SLIT2: variants seen among roughly 807,000 people sequenced by gnomAD.
The protein encoded by SLIT2 is slit guidance ligand 2, also known as slit homolog 2 protein.
In SLIT2, 41 loss-of-function variants were observed where a neutral mutation model predicts 185.7. The ratio of observed to expected loss-of-function variants is 0.22; its 90% CI spans 0.17 to 0.29. SLIT2 has a LOEUF of 0.29. SLIT2 is among the 10% of genes least tolerant of loss of function. The pLI, the probability that SLIT2 is intolerant of heterozygous loss-of-function variation, is 1.00. For missense variants in SLIT2, 1,571 were observed against 1,909.0 expected (o/e 0.82, Z 3.30); for synonymous variants, 693 against 680.2 (o/e 1.02, Z -0.29).
At chr4:20,449,192 G>A (rs1398844232) in intron 4 of SLIT2, among the ~76,000 whole-genome samples, 3 of 152,042 alleles carry the variant, frequency 2.0e-5, no homozygotes, top group Non-Finnish European at 2.9e-5. Context: ...ATAGTTATAT[G>A]CTCAGGGACT....
At chr4:20,488,754 G>C in intron 7 of SLIT2, 65 bp from the exon 8 acceptor site, 1 of 1,154,192 alleles carries the variant, frequency 8.7e-7, no homozygotes, top group Non-Finnish European at 1.2e-6. Flanking sequence ...AAGAAATACA[G>C]GTATATATTA....
intron 11 of SLIT2, among the ~76,000 whole-genome samples, chr4:20,518,845 A>C (rs1296636305): frequency 2.0e-5 from 3 of 150,000 alleles, no homozygotes; most frequent in East Asian, 4.0e-4. Flanking sequence ...TGACCTCGTG[A>C]TCCGCCCGCC....
intron 4 of SLIT2, among the ~76,000 whole-genome samples, chr4:20,392,714 G>T (rs1375260260): frequency 6.6e-6 from 1 of 151,516 alleles, no homozygotes; most frequent in East Asian, 1.9e-4. Context: ...TTAAAATTTT[G>T]TTAAAAACTA....
chr4:20,510,488 A>G lies in SLIT2; in HGVS notation c.915-7A>G, dbSNP rs749367908. The G allele has an allele frequency of 3.7e-6, 6 of 1,601,188 alleles. 1 individual carries two copies. In the South Asian group the frequency reaches 6.6e-5, roughly 18 times the overall value. ...CCATTTAAAAGTTGAATTTTTTTTC[A>G]TTGCAGACGTTTGGAACAGAACACA... On this transcript the variant is annotated splice_region_variant and splice_polypyrimidine_tract_variant and intron_variant, in intron 9 of 36. Coordinates refer to ENST00000504154, the MANE Select transcript of SLIT2 (RefSeq NM_004787.4).
Position 20,355,331 on chromosome 4 carries a change from T to C in SLIT2, c.395+86450T>C, listed in dbSNP as rs6846187. Among the ~76,000 whole-genome samples, 205 of 152,226 alleles carry C rather than the reference T, an allele frequency of 1.3e-3. 1 individual carries two copies. The highest frequency in any genetic ancestry group is 4.8e-3 in the African/African-American group (201 of 41,546). On this transcript the variant is annotated intron_variant, in intron 4 of 36. Transcript: ENST00000504154. ...GTAGATTTCTATTACTGCAGAGCCA[T>C]TGAATGGGGTAATTTGTGCCTTTGA...
intron 4 of SLIT2, among the ~76,000 whole-genome samples, chr4:20,407,314 A>T (rs1443857472): frequency 6.6e-6 from 1 of 152,172 alleles, no homozygotes. Context: ...CACAGTCTCT[A>T]AGCAACTTAT....
At chr4:20,617,820 C>T (rs1355579136) in intron 36 of SLIT2, among the ~76,000 whole-genome samples, 170 bp downstream of exon 36, 3 of 151,398 alleles carry the variant, frequency 2.0e-5, no homozygotes, top group Non-Finnish European at 4.4e-5. Context: ...CTTGCAGTTG[C>T]TGCTATTGAT....
chr4:20,299,708 A>G (rs1716862825), intron 4 of SLIT2, among the ~76,000 whole-genome samples: 2 of 150,660 alleles, frequency 1.3e-5, no homozygotes, highest in Admixed American at 1.3e-4. Context: ...AAAAATGTGG[A>G]CTTTTTAAGG....
intron 4 of SLIT2, among the ~76,000 whole-genome samples, chr4:20,431,900 T>G (rs1033332009): frequency 6.6e-6 from 1 of 152,146 alleles, no homozygotes; most frequent in African/African-American, 2.4e-5. Flanking sequence ...ACTTGATTAT[T>G]GTAAGACATT....
rs758231523 is a variant in SLIT2, at chr4:20,524,065, G to A, written c.1326G>A (p.Ala442=). Reference sequence around the variant, plus strand: ...GTGACTGCCATCTCAAGTGGCTAGCGGATTATCTCCATACCAACCCGATTG... The same window carrying A: ...GTGACTGCCATCTCAAGTGGCTAGCAGATTATCTCCATACCAACCCGATTG... The part of the protein sequence containing the change: ...FICDCHLKWL[A]DYLHTNPIET... Residue 442 remains alanine, a synonymous_variant, in exon 14 of 37, where the codon GCG becomes GCA. Transcript: ENST00000504154. The A allele has an allele frequency of 6.8e-6, 11 of 1,614,156 alleles. No homozygotes were observed. Among genetic ancestry groups the A allele is most frequent in the Middle Eastern group, 1.6e-4 (1 of 6,062 alleles).
At chr4:20,567,681 C>G (rs933235491) in intron 28 of SLIT2, 66 bp downstream of exon 28, 6 of 1,239,594 alleles carry the variant, frequency 4.8e-6, no homozygotes, top group Non-Finnish European at 7.1e-6. Flanking sequence ...AGCCAACATA[C>G]ATTTTCCTTT....
rs867633877 is a variant in SLIT2 at position 20,516,129 on chromosome 4, A to G, written c.1059-3253A>G. 3.9e-5 allele frequency among the ~76,000 whole-genome samples: 6 copies of G among 152,284 alleles called. No individual in the cohort carries two copies. The East Asian group carries it at 9.7e-4, about 25-fold the overall frequency. ...TGCGCCTGGCCTCTGCCAACTTTCA[A>G]TAAGAGCACAAGAGCTCAAACACTG... is the stretch of plus-strand genomic sequence containing the variant. On this transcript the variant is annotated intron_variant, in intron 11 of 36. Transcript: ENST00000504154.
intron 4 of SLIT2, among the ~76,000 whole-genome samples, chr4:20,449,204 G>A (rs906034847): frequency 2.0e-5 from 3 of 152,046 alleles, no homozygotes; most frequent in Admixed American, 6.5e-5. Context: ...TCAGGGACTG[G>A]AAGAAATCCA....
intron 4 of SLIT2, among the ~76,000 whole-genome samples, chr4:20,289,618 A>G (rs1182833797): frequency 2.0e-5 from 3 of 152,162 alleles, no homozygotes; most frequent in Non-Finnish European, 4.4e-5. Flanking sequence ...TGCAGATGCT[A>G]TTTGTGCAAT....
intron 4 of SLIT2, among the ~76,000 whole-genome samples, chr4:20,386,514 A>G (rs1724948915): frequency 6.6e-6 from 1 of 152,192 alleles, no homozygotes; most frequent in Non-Finnish European, 1.5e-5. Context: ...TGCAAATTGA[A>G]TTAGACTTGT....
intron 18 of SLIT2, among the ~76,000 whole-genome samples, chr4:20,536,374 T>G (rs1022288350): frequency 1.3e-5 from 2 of 152,048 alleles, no homozygotes; most frequent in Admixed American, 1.3e-4. Context: ...CTGGCCAATA[T>G]GGTGAAACCC....
At chr4:20,602,565 T>C (rs1486570738) in intron 33 of SLIT2, among the ~76,000 whole-genome samples, 1 of 152,180 alleles carries the variant, frequency 6.6e-6, no homozygotes, top group East Asian at 1.9e-4. Flanking sequence ...GAAAAACATG[T>C]TAAAATACAG....
chr4:20,331,744 G>A (rs1205597298), intron 4 of SLIT2, among the ~76,000 whole-genome samples: 1 of 151,862 alleles, frequency 6.6e-6, no homozygotes, highest in Non-Finnish European at 1.5e-5. Flanking sequence ...TTGAATATTT[G>A]CATTATCTAA....
intron 5 of SLIT2, among the ~76,000 whole-genome samples, chr4:20,471,354 C>G (rs959606352): frequency 1.8e-4 from 27 of 152,062 alleles, no homozygotes; most frequent in African/African-American, 6.0e-4. Context: ...TATTGTGAAA[C>G]TGGTGAACAT....
Sources: allele counts gnomAD v4.1 joint callset (sites outside exome capture counted in the v4.1 genomes callset), GRCh38; gene constraint gnomAD v4.1.1; transcripts MANE v1.5; gene names NCBI Gene and HGNC (gene_info 2026-07-23, HGNC 2026-07-21).